Variants in PTPN14 observed in about 807,000 individuals in gnomAD.
PTPN14 encodes the protein tyrosine-protein phosphatase non-receptor type 14.
A neutral mutation model predicts 126.8 loss-of-function variants in PTPN14; 53 were observed. The observed-to-expected ratio is 0.42, with a 90% CI of 0.34 to 0.53. The LOEUF is 0.53. PTPN14 is among the 20% of genes least tolerant of loss of function. The pLI, the probability that PTPN14 is intolerant of heterozygous loss-of-function variation, is 0.08. For missense variants in PTPN14, 1,257 were observed against 1,552.9 expected (o/e 0.81, Z 3.20); for synonymous variants, 630 against 599.3 (o/e 1.05, Z -0.75).
chr1:214,466,101 C>T (rs2102654655), intron 1 of PTPN14, among the ~76,000 whole-genome samples: 1 of 151,410 alleles, frequency 6.6e-6, no homozygotes, highest in South Asian at 2.1e-4. Context: ...GGATTACAGG[C>T]ACCCGCCACC....
chr1:214,418,876 AT>A (rs1659482279), intron 3 of PTPN14, among the ~76,000 whole-genome samples: 1 of 152,214 alleles, frequency 6.6e-6, no homozygotes, highest in Admixed American at 6.5e-5. Context: ...TTTTAACTAC[AT>A]GTTAATTTTC....
In PTPN14 at chr1:214,520,047, C is replaced by CAAAAAA. The variant is rs1183768381; in HGVS notation, c.-155+31130_-155+31135dup. Among the ~76,000 whole-genome samples the CAAAAAA allele has an allele frequency of 2.1e-4, 17 of 80,744 alleles. No homozygotes were observed. In the South Asian group the frequency reaches 3.4e-3, roughly 16 times the overall value. 53.0% of individuals were successfully genotyped at this position (80,744 alleles called of 152,430 possible). On this transcript the variant is annotated intron_variant, in intron 1 of 18. Coordinates refer to ENST00000366956, the MANE Select transcript of PTPN14 (RefSeq NM_005401.5). ...TGAGTGACAGAAAAAAACCCTGTCTCAAAAAAAAAAAAAAAAAAATATATA... is the reference window on the plus strand; with the variant it reads ...TGAGTGACAGAAAAAAACCCTGTCTCAAAAAAAAAAAAAAAAAAAAAAAAATATATA...
intron 1 of PTPN14, among the ~76,000 whole-genome samples, chr1:214,504,893 A>G (rs1654794688): frequency 6.6e-6 from 1 of 152,182 alleles, no homozygotes; most frequent in Non-Finnish European, 1.5e-5. Flanking sequence ...CTTACTGCAT[A>G]AAGAGGGTGA....
intron 1 of PTPN14, among the ~76,000 whole-genome samples, chr1:214,509,428 T>C (rs564513401): frequency 4.7e-4 from 71 of 152,358 alleles, no homozygotes; most frequent in African/African-American, 1.7e-3. Flanking sequence ...CTTCACAGAA[T>C]TGAAGAGAGT....
chr1:214,407,912 T>G lies in PTPN14; in HGVS notation c.510+3772A>C, dbSNP rs186281523. Among the ~76,000 whole-genome samples the G allele has an allele frequency of 1.0e-3, 154 of 152,288 alleles. 3 individuals carry two copies. The highest frequency in any genetic ancestry group is 8.4e-3 in the Admixed American group (129 of 15,298). ...TCTAACTCCTCAGAAGTTTCCAGTC[T>G]CATCTGCCACAACTCTCCACCCGTA... On this transcript the variant is annotated intron_variant, in intron 5 of 18. Transcript: ENST00000366956.
In PTPN14 at chr1:214,383,791, C is replaced by G; in HGVS notation, c.2064G>C (p.Gln688His). 2 of 1,612,932 alleles carry G rather than the reference C, an allele frequency of 1.2e-6. No individual in the cohort carries two copies. Among genetic ancestry groups the G allele is most frequent in the Non-Finnish European group, 1.7e-6 (2 of 1,180,022 alleles). Reference protein sequence around the residue: ...EEGSGSHEVPQLPQYHHKKTF... With the variant: ...EEGSGSHEVPHLPQYHHKKTF... The stretch of plus-strand genomic sequence containing the variant: ...TCTTCTTGTGGTGATACTGAGGGAG[C>G]TGGGGGACCTCGTGGCTGCCTGACC... Residue 688 changes from glutamine (Q) to histidine (H), a missense_variant, in exon 13 of 19, where the codon CAG (glutamine) becomes CAC (histidine). Physicochemically the swap from Gln to His is conservative, Grantham distance 24. Coordinates refer to ENST00000366956, the MANE Select transcript of PTPN14 (RefSeq NM_005401.5). The surrounding 1 kb of genome is among the most constrained non-coding windows in gnomAD (Gnocchi z 4.4).
At chr1:214,416,370 T>A (rs1023823293) in intron 3 of PTPN14, among the ~76,000 whole-genome samples, 1 of 152,236 alleles carries the variant, frequency 6.6e-6, no homozygotes. Flanking sequence ...GCTAAGATTA[T>A]TTATTAGAGA....
chr1:214,390,847 C>T (rs1658733083), intron 11 of PTPN14, 141 bp downstream of exon 11: 1 of 595,926 alleles, frequency 1.7e-6, no homozygotes, highest in Non-Finnish European at 2.7e-6. Context: ...GTGTCCATCG[C>T]ATCTGCTTGA....
Position 214,383,803 on chromosome 1 carries a change from G to A in PTPN14, c.2052C>T (p.His684=), listed in dbSNP as rs749206332. 3.5e-5 allele frequency: 57 copies of A among 1,612,664 alleles called. 2 individuals carry two copies. The highest frequency in any genetic ancestry group is 6.7e-5 in the Admixed American group (4 of 60,012). The change falls in exon 13 of 19, where the codon CAC becomes CAT. Residue 684 remains histidine, a synonymous_variant. Coordinates refer to ENST00000366956, the MANE Select transcript of PTPN14 (RefSeq NM_005401.5). This position sits in a 1 kb window ranked among gnomAD's most constrained non-coding sequence, Gnocchi z 4.4. The part of the protein sequence containing the change: ...QGPPEEGSGS[H]EVPQLPQYHH... ...GATACTGAGGGAGCTGGGGGACCTC[G>A]TGGCTGCCTGACCCCTCCTCGGGCG...
intron 1 of PTPN14, among the ~76,000 whole-genome samples, chr1:214,497,348 T>C (rs1450204451): frequency 6.6e-6 from 1 of 152,138 alleles, no homozygotes; most frequent in Admixed American, 6.5e-5. Context: ...GAGGCAATGT[T>C]TTTAATCTAT....
intron 3 of PTPN14, among the ~76,000 whole-genome samples, chr1:214,435,624 G>A (rs1391351204): frequency 6.6e-6 from 1 of 152,106 alleles, no homozygotes; most frequent in Non-Finnish European, 1.5e-5. Context: ...AGACATATAT[G>A]TGGCCAACAA....
intron 7 of PTPN14, among the ~76,000 whole-genome samples, chr1:214,400,052 C>T (rs1235325140): frequency 6.6e-6 from 1 of 151,688 alleles, no homozygotes; most frequent in Non-Finnish European, 1.5e-5. Context: ...CACTGCTGTT[C>T]TACTCTTGAA....
At chr1:214,491,153 TTTTC>T (rs1661242364) in intron 1 of PTPN14, among the ~76,000 whole-genome samples, 1 of 152,034 alleles carries the variant, frequency 6.6e-6, no homozygotes, top group African/African-American at 2.4e-5. Context: ...TTAAATTATA[TTTTC>T]TTTAATATGA....
chr1:214,476,329 A>AAGAGACTCACTCATCAAATCAAG (rs1660866901), intron 1 of PTPN14, among the ~76,000 whole-genome samples: 1 of 145,594 alleles, frequency 6.9e-6, no homozygotes, highest in Non-Finnish European at 1.6e-5. Flanking sequence ...ATCAAATCAA[A>AAGAGACTCACTCATCAAATCAAG]AGAAACTCAC....
At chr1:214,438,544 G>A (rs1459069630) in intron 3 of PTPN14, among the ~76,000 whole-genome samples, 6 of 152,154 alleles carry the variant, frequency 3.9e-5, no homozygotes, top group African/African-American at 9.7e-5. Flanking sequence ...TTGTTTTGAG[G>A]GAGTAATTCT....
intron 5 of PTPN14, among the ~76,000 whole-genome samples, chr1:214,411,420 T>A (rs999484413): frequency 4.6e-5 from 7 of 152,114 alleles, no homozygotes; most frequent in African/African-American, 1.7e-4. Flanking sequence ...AAGTTTCAGG[T>A]TACAAAATCA....
At position 214,370,484 on chromosome 1, in the gene PTPN14, G is replaced by A. The variant is rs927876803; in HGVS notation, c.3037-793C>T. On this transcript the variant is annotated intron_variant, in intron 16 of 18. Coordinates refer to ENST00000366956, the MANE Select transcript of PTPN14 (RefSeq NM_005401.5). ...GGTTCCAGCAATCGCTGTAGGTCAC[G>A]TTACTCCTTTCGGATGTTCAGCGCA... Among the ~76,000 whole-genome samples the A allele has an allele frequency of 7.2e-5, 11 of 152,114 alleles. No individual in the cohort carries two copies. The South Asian group carries it at 1.0e-3, about 14-fold the overall frequency.
At chr1:214,510,563 C>A (rs190654251) in intron 1 of PTPN14, among the ~76,000 whole-genome samples, 43 of 152,306 alleles carry the variant, frequency 2.8e-4, no homozygotes, top group African/African-American at 1.0e-3. Context: ...CTAAACTCTG[C>A]CATTATCAGA....
chr1:214,475,609 T>C (rs1409115610), intron 1 of PTPN14, among the ~76,000 whole-genome samples: 2 of 152,192 alleles, frequency 1.3e-5, no homozygotes, highest in African/African-American at 2.4e-5. Flanking sequence ...ATATCCACAA[T>C]GATGTATGTC....
Sources: gnomAD v4.1 joint callset for allele counts (sites outside exome capture counted in the v4.1 genomes callset) on GRCh38, gnomAD v4.1.1 for gene constraint, Gnocchi (gnomAD v3.1) non-coding constraint, MANE v1.5 for transcripts, NCBI Gene and HGNC (gene_info 2026-07-23, HGNC 2026-07-21) for gene names.